Variants in ARHGAP24 observed in about 807,000 individuals in gnomAD.
ARHGAP24 encodes rho GTPase-activating protein 24.
ARHGAP24 carries 50 observed loss-of-function variants against 76.4 expected under a neutral mutation model. That is an observed-to-expected ratio of 0.65 (90% CI 0.52 to 0.83). The LOEUF (loss-of-function observed/expected upper bound fraction) is 0.83. Among genes scored for constraint, ARHGAP24 ranks in the 40% least tolerant of loss-of-function variants. The pLI, the probability that ARHGAP24 is intolerant of heterozygous loss-of-function variation, is 0.00. For missense variants in ARHGAP24, 930 were observed against 914.2 expected (o/e 1.02, Z -0.22); for synonymous variants, 345 against 323.3 (o/e 1.07, Z -0.72).
intron 3 of ARHGAP24, among the ~76,000 whole-genome samples, chr4:85,805,403 G>T (rs1033956297): frequency 6.6e-6 from 1 of 152,076 alleles, no homozygotes; most frequent in East Asian, 1.9e-4. Context: ...TAAATTTACC[G>T]ACATCTGTTA....
intron 3 of ARHGAP24, among the ~76,000 whole-genome samples, chr4:85,813,797 A>G (rs564575628): frequency 4.7e-4 from 61 of 128,998 alleles, no homozygotes; most frequent in African/African-American, 1.6e-3. Flanking sequence ...ACTTAGTTAT[A>G]TAAATATATA....
In ARHGAP24 at chr4:85,740,643, T is replaced by G. The variant is rs535261142; in HGVS notation, c.268+18671T>G. On this transcript the variant is annotated intron_variant, in intron 3 of 9. Coordinates refer to ENST00000395184, the MANE Select transcript of ARHGAP24 (RefSeq NM_001025616.3). ...GTGCTTGCTTGTGGTTGGCACTCAA[T>G]AAAAATTGATAAATATGAGGACTAT... 9.8e-5 allele frequency among the ~76,000 whole-genome samples: 15 copies of G among 152,362 alleles called. 1 individual carries two copies. The South Asian group carries it at 3.1e-3, about 32-fold the overall frequency.
At chr4:85,848,334 T>TC in intron 3 of ARHGAP24, among the ~76,000 whole-genome samples, 1 of 152,180 alleles carries the variant, frequency 6.6e-6, no homozygotes, top group African/African-American at 2.4e-5. Flanking sequence ...CCCTCTCCCA[T>TC]CCCCCTACCC....
At position 85,899,952 on chromosome 4, in the gene ARHGAP24, G is replaced by A. The variant is rs72972031; in HGVS notation, c.269-23696G>A. On this transcript the variant is annotated intron_variant, in intron 3 of 9. Coordinates refer to ENST00000395184, the MANE Select transcript of ARHGAP24 (RefSeq NM_001025616.3). ...AATGTGATGAAGCTCAAATAATAAAGCTATTCACAGAATAAGATTACAAAG... is the reference window on the plus strand; with the variant it reads ...AATGTGATGAAGCTCAAATAATAAAACTATTCACAGAATAAGATTACAAAG... Among the ~76,000 whole-genome samples, 1,215 of 152,210 alleles carry A rather than the reference G, an allele frequency of 8.0e-3. 15 individuals are homozygous for A. Among genetic ancestry groups the A allele is most frequent in the African/African-American group, 0.025 (1,057 of 41,556 alleles).
intron 2 of ARHGAP24, among the ~76,000 whole-genome samples, chr4:85,588,770 A>G (rs1578059112): frequency 1.3e-5 from 2 of 152,372 alleles, no homozygotes; most frequent in Admixed American, 1.3e-4. Flanking sequence ...TTTGATTTCT[A>G]AGATTTCAAC....
At chr4:85,638,212 A>G (rs1721397119) in intron 2 of ARHGAP24, among the ~76,000 whole-genome samples, 1 of 152,146 alleles carries the variant, frequency 6.6e-6, no homozygotes, top group African/African-American at 2.4e-5. Context: ...ATTTTGTGCT[A>G]GTCTTCTAAT....
intron 2 of ARHGAP24, among the ~76,000 whole-genome samples, chr4:85,593,318 A>G (rs1409427593): frequency 2.0e-5 from 3 of 151,976 alleles, no homozygotes; most frequent in Admixed American, 6.6e-5. Flanking sequence ...ATTTTTCTCT[A>G]TTGAGTTATT....
intron 3 of ARHGAP24, among the ~76,000 whole-genome samples, chr4:85,860,331 A>C (rs1731816632): frequency 6.6e-6 from 1 of 152,124 alleles, no homozygotes; most frequent in Non-Finnish European, 1.5e-5. Context: ...GAATACAATG[A>C]AGATGCCAAG....
chr4:85,974,434 A>G (rs1371869451), intron 6 of ARHGAP24, among the ~76,000 whole-genome samples: 5 of 152,212 alleles, frequency 3.3e-5, no homozygotes, highest in Non-Finnish European at 5.9e-5. Flanking sequence ...CAGAAAGATC[A>G]CTTTTTTCAA....
intron 3 of ARHGAP24, among the ~76,000 whole-genome samples, chr4:85,895,573 G>A (rs1159623273): frequency 3.9e-5 from 6 of 152,198 alleles, no homozygotes; most frequent in South Asian, 2.1e-4. Flanking sequence ...TTTTTTTGCA[G>A]CTATTGATGT....
chr4:85,845,893 TTTTTTC>T (rs1234687349), intron 3 of ARHGAP24, among the ~76,000 whole-genome samples: 2 of 152,148 alleles, frequency 1.3e-5, no homozygotes, highest in Non-Finnish European at 2.9e-5. Flanking sequence ...GAATATAATT[TTTTTTC>T]TTTTTCTTTT....
intron 3 of ARHGAP24, among the ~76,000 whole-genome samples, chr4:85,872,464 CT>C (rs1050156916): frequency 2.0e-5 from 3 of 151,318 alleles, no homozygotes; most frequent in Non-Finnish European, 4.4e-5. Context: ...GCCCAGCTAA[CT>C]TTTGTATTTT....
At chr4:85,682,755 C>T (rs1409991753) in intron 2 of ARHGAP24, among the ~76,000 whole-genome samples, 1 of 152,170 alleles carries the variant, frequency 6.6e-6, no homozygotes, top group Non-Finnish European at 1.5e-5. Flanking sequence ...CAGAAGCAGA[C>T]ACTATGAAAA....
chr4:85,525,173 T>C (rs934275828), intron 1 of ARHGAP24, among the ~76,000 whole-genome samples: 1 of 152,062 alleles, frequency 6.6e-6, no homozygotes, highest in Non-Finnish European at 1.5e-5. Flanking sequence ...ATTATTTATA[T>C]GATATTCAAA....
intron 2 of ARHGAP24, among the ~76,000 whole-genome samples, chr4:85,683,512 A>T (rs1012753865): frequency 6.6e-6 from 1 of 152,230 alleles, no homozygotes; most frequent in East Asian, 1.9e-4. Context: ...TTATGATAAA[A>T]ACATGCTTTC....
At chr4:85,842,650 C>T (rs769992432) in intron 3 of ARHGAP24, among the ~76,000 whole-genome samples, 4 of 152,182 alleles carry the variant, frequency 2.6e-5, no homozygotes, top group African/African-American at 4.8e-5. Flanking sequence ...ATTATACACA[C>T]GTCAGCTGTG....
At chr4:85,886,827 T>G (rs1233331331) in intron 3 of ARHGAP24, among the ~76,000 whole-genome samples, 2 of 152,208 alleles carry the variant, frequency 1.3e-5, no homozygotes, top group African/African-American at 4.8e-5. Context: ...ATTTATGTTT[T>G]GATACAAGAG....
intron 3 of ARHGAP24, among the ~76,000 whole-genome samples, chr4:85,903,976 TA>T (rs992014592): frequency 2.6e-5 from 4 of 152,072 alleles, no homozygotes; most frequent in Non-Finnish European, 4.4e-5. Flanking sequence ...AGGGGGAAAT[TA>T]AAAAAAAGAA....
intron 5 of ARHGAP24, among the ~76,000 whole-genome samples, chr4:85,957,112 G>C (rs1202898210): frequency 6.6e-6 from 1 of 152,038 alleles, no homozygotes; most frequent in Non-Finnish European, 1.5e-5. Flanking sequence ...CTTGTTTAAA[G>C]GTGGATGCAG....
Sources: gnomAD v4.1 joint callset for allele counts (sites outside exome capture counted in the v4.1 genomes callset) on GRCh38, gnomAD v4.1.1 for gene constraint, MANE v1.5 for transcripts, NCBI Gene and HGNC (gene_info 2026-07-23, HGNC 2026-07-21) for gene names.